PEX1: variants seen among roughly 807,000 people sequenced by gnomAD.
PEX1 encodes the protein peroxisomal ATPase PEX1.
In PEX1, 97 loss-of-function variants were observed where a neutral mutation model predicts 152.5. The observed-to-expected ratio is 0.64, with a 90% CI of 0.54 to 0.75. PEX1 has a LOEUF of 0.75. Among genes scored for constraint, PEX1 ranks in the 30% least tolerant of loss-of-function variants. PEX1 has a pLI of 0.00. For missense variants in PEX1, 1,357 were observed against 1,516.3 expected (o/e 0.89, Z 1.74); for synonymous variants, 485 against 531.6 (o/e 0.91, Z 1.21).
chr7:92,489,486 C>A, intron 22 of PEX1, 63 bp from the exon 23 acceptor site: 1 of 1,399,484 alleles, frequency 7.1e-7, no homozygotes, highest in Non-Finnish European at 1.0e-6. Flanking sequence ...ATGTGGTAGT[C>A]CAGTTGTTAC....
At chr7:92,506,169 T>C in intron 11 of PEX1, 79 bp downstream of exon 11, 2 of 817,174 alleles carry the variant, frequency 2.4e-6, no homozygotes, top group Non-Finnish European at 2.2e-6. Flanking sequence ...GTGTATTTAT[T>C]AGATTGACAG....
intron 16 of PEX1, among the ~76,000 whole-genome samples, chr7:92,497,707 A>T (rs1174202121): frequency 6.6e-6 from 1 of 151,754 alleles, no homozygotes; most frequent in Admixed American, 6.6e-5. Flanking sequence ...ATCTATTAAC[A>T]TAATAATATT....
At position 92,513,860 on chromosome 7, in the gene PEX1, A is replaced by C. The variant is rs1476938711; in HGVS notation, c.1347T>G (p.Pro449=). ...PKIPRSLKLQ[P]RENLPKDISE... The stretch of plus-strand genomic sequence containing the variant: ...TATTTGAACTCACTAAATTCTCTCT[A>C]GGTTGTAACTTTAGAGATCTTGGAA... The change falls in exon 6 of 24, where the codon CCT becomes CCG. Residue 449 remains proline, a synonymous_variant. Coordinates refer to ENST00000248633, the MANE Select transcript of PEX1 (RefSeq NM_000466.3). The C allele has an allele frequency of 1.3e-6, 2 of 1,599,716 alleles. No individual in the cohort carries two copies. Among genetic ancestry groups the C allele is most frequent in the Admixed American group, 3.3e-5 (2 of 59,972 alleles).
intron 23 of PEX1, among the ~76,000 whole-genome samples, chr7:92,488,084 A>G (rs1791033403): frequency 6.6e-6 from 1 of 152,240 alleles, no homozygotes; most frequent in African/African-American, 2.4e-5. Flanking sequence ...AAAATTGGAT[A>G]TTGTGGCATA....
At chr7:92,492,588 CA>C (rs1250417687) in intron 20 of PEX1, among the ~76,000 whole-genome samples, 1 of 152,164 alleles carries the variant, frequency 6.6e-6, no homozygotes, top group Admixed American at 6.5e-5. Flanking sequence ...ATGTGAGCTT[CA>C]AAACAACAAC....
chr7:92,502,596 C>G (rs991934857), intron 13 of PEX1, among the ~76,000 whole-genome samples: 1 of 152,070 alleles, frequency 6.6e-6, no homozygotes, highest in Non-Finnish European at 1.5e-5. Context: ...AGCACAGGGT[C>G]TGAATATTTA....
At chr7:92,509,191 C>A (rs1357495046) in intron 9 of PEX1, 138 bp downstream of exon 9, 7 of 662,848 alleles carry the variant, frequency 1.1e-5, no homozygotes, top group African/African-American at 1.8e-5. Flanking sequence ...TAGAGACAAT[C>A]CTTGAAAAAA....
At position 92,517,333 on chromosome 7, in the gene PEX1, C is replaced by T. The variant is rs549736404; in HGVS notation, c.1182G>A (p.Leu394=). 4 of 1,613,740 alleles carry T rather than the reference C, an allele frequency of 2.5e-6. No individual in the cohort carries two copies. In the South Asian group the frequency reaches 3.3e-5, roughly 13 times the overall value. The change falls in exon 5 of 24, where the codon TTG becomes TTA. Residue 394 remains leucine, a synonymous_variant. Transcript: ENST00000248633. ...LQVVWNGLEE[L]NNAIKYTKNV... ...TTTTGGTATATTTGATGGCATTGTT[C>T]AATTCTTCAAGTCCATTCCAGACTA...
In PEX1 at chr7:92,517,634, G is replaced by A. The variant is rs1420491340; in HGVS notation, c.881C>T (p.Pro294Leu). 1.9e-6 allele frequency: 3 copies of A among 1,613,946 alleles called. No homozygotes were observed. The highest frequency in any genetic ancestry group is 2.7e-5 in the African/African-American group (2 of 74,996). Reference protein sequence around the residue: ...DNIFRVCKSQPPSIYNASATS... With the variant: ...DNIFRVCKSQLPSIYNASATS... ...TGCTGACGCGTTATATATACTAGGA[G>A]GTTGAGATTTGCATACTCTGAAAAT... is the stretch of plus-strand genomic sequence containing the variant. Residue 294 changes from proline (P) to leucine (L), a missense_variant, in exon 5 of 24, where the codon CCT (proline) becomes CTT (leucine). Physicochemically the swap from Pro to Leu is moderately conservative, Grantham distance 98. Transcript: ENST00000248633.
intron 19 of PEX1, 104 bp from the exon 20 acceptor site, chr7:92,493,233 A>G (rs1267143717): frequency 3.0e-6 from 2 of 670,398 alleles, no homozygotes; most frequent in Non-Finnish European, 4.9e-6. Flanking sequence ...TTATATATCT[A>G]AAAAGCTTTA....
At chr7:92,509,234 G>T in intron 9 of PEX1, 95 bp downstream of exon 9, 4 of 802,714 alleles carry the variant, frequency 5.0e-6, no homozygotes, top group Non-Finnish European at 4.3e-6. Flanking sequence ...ATCACTTATT[G>T]ACATTAACAT....
rs111378055 is a variant in PEX1 at position 92,512,950 on chromosome 7, A to C, written c.1359+898T>G. ...CCCACCTGCAAAGATCTTTAAGTTC[A>C]ATATCTCATTTCCTGACTCTACCAG... On this transcript the variant is annotated intron_variant, in intron 6 of 23. Coordinates refer to ENST00000248633, the MANE Select transcript of PEX1 (RefSeq NM_000466.3). 1.2e-4 allele frequency among the ~76,000 whole-genome samples: 19 copies of C among 152,228 alleles called. 1 individual carries two copies. The highest frequency in any genetic ancestry group is 4.3e-4 in the African/African-American group (18 of 41,542).
At chr7:92,522,326 A>G (rs1303642776) in intron 1 of PEX1, 81 bp from the exon 2 acceptor site, 3 of 1,355,814 alleles carry the variant, frequency 2.2e-6, no homozygotes, top group Non-Finnish European at 3.1e-6. Flanking sequence ...TATTATTACA[A>G]TTCACATGTC....
chr7:92,506,384 A>G (rs1352080574), intron 10 of PEX1, 40 bp from the exon 11 acceptor site: 16 of 1,225,852 alleles, frequency 1.3e-5, no homozygotes, highest in Non-Finnish European at 1.7e-5. Flanking sequence ...CAATATATTC[A>G]GTCACAGAAA....
At chr7:92,487,636 A>G in intron 23 of PEX1, 95 bp from the exon 24 acceptor site, 2 of 554,366 alleles carry the variant, frequency 3.6e-6, no homozygotes, top group Non-Finnish European at 6.3e-6. Context: ...TATTTTAAGA[A>G]ATGAACGGGA....
chr7:92,493,160 A>G, intron 19 of PEX1, 31 bp from the exon 20 acceptor site: 1 of 1,252,122 alleles, frequency 8.0e-7, no homozygotes, highest in Non-Finnish European at 1.1e-6. Context: ...TTAACAAATA[A>G]AAAATAAAAT....
In PEX1 at chr7:92,501,706, G is replaced by T. The variant is rs769581823; in HGVS notation, c.2417-33C>A. 1.9e-6 allele frequency: 3 copies of T among 1,559,184 alleles called. No homozygotes were observed. The Admixed American group carries it at 5.0e-5, about 26-fold the overall frequency. On this transcript the variant is annotated intron_variant, in intron 14 of 23. Coordinates refer to ENST00000248633, the MANE Select transcript of PEX1 (RefSeq NM_000466.3). The stretch of plus-strand genomic sequence containing the variant: ...AAAATAAACAAAACTTCTTTTACTA[G>T]TTATATTCACTATATGAATTTTCAA...
At position 92,525,316 on chromosome 7, in the gene PEX1, T is replaced by C. The variant is rs751260136; in HGVS notation, c.129+2991A>G. Among the ~76,000 whole-genome samples the C allele has an allele frequency of 2.6e-5, 4 of 152,328 alleles. No homozygotes were observed. In the East Asian group the frequency reaches 5.8e-4, roughly 22 times the overall value. ...ACCAGGAAATCTGCAGGTAAAACCA[T>C]ACATCAGAATGCCTTAGGAATAATC... On this transcript the variant is annotated intron_variant, in intron 1 of 23. Coordinates refer to ENST00000248633, the MANE Select transcript of PEX1 (RefSeq NM_000466.3).
intron 5 of PEX1, among the ~76,000 whole-genome samples, chr7:92,514,517 A>G (rs765042227): frequency 6.6e-6 from 1 of 152,204 alleles, no homozygotes; most frequent in African/African-American, 2.4e-5. Context: ...TGTTATTTCT[A>G]ATCTTTGAGC....
Sources: gnomAD v4.1 joint callset for allele counts (sites outside exome capture counted in the v4.1 genomes callset) on GRCh38, gnomAD v4.1.1 for gene constraint, MANE v1.5 for transcripts, NCBI Gene and HGNC (gene_info 2026-07-23, HGNC 2026-07-21) for gene names.